SCAF4: variants seen among roughly 807,000 people sequenced by gnomAD.
SCAF4 encodes the protein SR-related and CTD-associated factor 4.
Under a neutral mutation model 129.8 loss-of-function variants are expected in SCAF4, and 25 were observed. The observed-to-expected ratio is 0.19, with a 90% CI of 0.14 to 0.27. The LOEUF (loss-of-function observed/expected upper bound fraction) is 0.27. Ranked by LOEUF, SCAF4 falls within the 10% of genes least tolerant of loss-of-function variation. The probability of loss-of-function intolerance (pLI) is 1.00; values close to 1 mark genes in which losing one functional copy is unlikely to be tolerated. For missense variants in SCAF4, 1,246 were observed against 1,457.1 expected (o/e 0.86, Z 2.36); for synonymous variants, 551 against 497.7 (o/e 1.11, Z -1.43).
rs192377387 is a variant in SCAF4, at chr21:31,716,079, G to A, written c.31-9722C>T. 4.5e-4 allele frequency among the ~76,000 whole-genome samples: 68 copies of A among 152,192 alleles called. 1 individual carries two copies. Among genetic ancestry groups the A allele is most frequent in the Admixed American group, 1.9e-3 (29 of 15,290 alleles). ...TCCTACTTTTTGAAATAAAGTTGCC[G>A]AGGCAATAAGAATTAGAAGACTATA... On this transcript the variant is annotated intron_variant, in intron 1 of 19. Transcript: ENST00000286835.
rs910617062 is a variant in SCAF4, at chr21:31,701,768, C to G, written c.600+8G>C. ...GCAAACAATTTCACTTTTGAGTAGA[C>G]AGTTTACCTGTTGGCCTTGAGTTGT... On this transcript the variant is annotated splice_region_variant and intron_variant, in intron 6 of 19. Transcript: ENST00000286835. The G allele has an allele frequency of 6.9e-6, 11 of 1,601,344 alleles. No homozygotes were observed. Among genetic ancestry groups the G allele is most frequent in the Middle Eastern group, 1.7e-4 (1 of 6,050 alleles).
intron 19 of SCAF4, among the ~76,000 whole-genome samples, chr21:31,682,296 T>C (rs2050014740): frequency 6.6e-6 from 1 of 151,930 alleles, no homozygotes; most frequent in Admixed American, 6.6e-5. Context: ...CGAGAATCGC[T>C]TGAACTTGGG....
chr21:31,700,863 TTG>T (rs1250952264), intron 7 of SCAF4, 130 bp downstream of exon 7: 1 of 1,035,356 alleles, frequency 9.7e-7, no homozygotes, highest in East Asian at 2.4e-5. Context: ...TGTTTTCTTG[TTG>T]AGGGGGAAAA....
At chr21:31,719,348 T>C (rs982637537) in intron 1 of SCAF4, among the ~76,000 whole-genome samples, 2 of 151,810 alleles carry the variant, frequency 1.3e-5, no homozygotes, top group African/African-American at 4.8e-5. Context: ...TACACAATGG[T>C]TTAAACTTCA....
In SCAF4 at chr21:31,712,809, C is replaced by T. The variant is rs150089837; in HGVS notation, c.31-6452G>A. 6.2e-4 allele frequency: 475 copies of T among 769,738 alleles called. 4 individuals are homozygous for T. The African/African-American group carries it at 8.0e-3, about 13-fold the overall frequency. The allele number at this position is 769,738 out of a possible 1,614,324, so 47.7% of individuals were successfully genotyped here. A position where few individuals can be genotyped will look rare whatever the true frequency, so the allele number is the denominator to read the frequency against. On this transcript the variant is annotated intron_variant, in intron 1 of 19. Transcript: ENST00000286835. ...CCTCCCAAAGTGCTGGGATTACAGG[C>T]GTGAGCCACTGTGCCTGGCCTGATT... is the stretch of plus-strand genomic sequence containing the variant.
At position 31,696,595 on chromosome 21, in the gene SCAF4, GGCAGCAGCGGGTGCAGCA is replaced by G. The variant is rs1325219609; in HGVS notation, c.915_932del (p.Ala306_Ala311del). 6.2e-7 allele frequency: 1 copy of G among 1,610,914 alleles called. No individual in the cohort carries two copies. The highest frequency in any genetic ancestry group is 8.5e-7 in the Non-Finnish European group (1 of 1,178,162). ...ATGGTGCCTGTGGAGGAGGAGGAGA[GGCAGCAGCGGGTGCAGCA>G]GCAGCAGGCACGGTGGCGGTGGGTG... is the stretch of plus-strand genomic sequence containing the variant. On this transcript the variant is annotated inframe_deletion, in exon 8 of 20. Transcript: ENST00000286835.
At chr21:31,693,262 T>G in intron 12 of SCAF4, 32 bp downstream of exon 12, 5 of 1,392,712 alleles carry the variant, frequency 3.6e-6, no homozygotes, top group Non-Finnish European at 4.8e-6. Context: ...GAAAAAATAG[T>G]ACATGAGGTT....
chr21:31,697,080 TG>T (rs1184586438), intron 7 of SCAF4, among the ~76,000 whole-genome samples: 2 of 152,208 alleles, frequency 1.3e-5, no homozygotes, highest in Admixed American at 6.5e-5. Flanking sequence ...TAAAAATGTC[TG>T]GAACTTTGTG....
intron 1 of SCAF4, among the ~76,000 whole-genome samples, chr21:31,730,073 AT>A (rs1411290136): frequency 2.0e-5 from 3 of 152,244 alleles, no homozygotes; most frequent in African/African-American, 7.2e-5. Flanking sequence ...TACTTGAAAT[AT>A]TTTAACTATT....
In SCAF4 at chr21:31,694,816, C is replaced by G. The variant is rs1428804141; in HGVS notation, c.1233G>C (p.Gln411His). The G allele has an allele frequency of 1.9e-6, 3 of 1,614,006 alleles. No homozygotes were observed. Among genetic ancestry groups the G allele is most frequent in the East Asian group, 4.5e-5 (2 of 44,872 alleles). ...QNEPLTQKPH[Q>H]QEMEVEQPCI... ...CTATCTGAGAATAAAGTTTTACCTG[C>G]TGATGCGGCTTCTGTGTAAGTGGTT... Residue 411 changes from glutamine to histidine, a missense_variant, in exon 10 of 20, where the codon CAG (glutamine) becomes CAC (histidine). By Grantham distance (24) the Gln-to-His change is conservative. Transcript: ENST00000286835.
chr21:31,688,357 G>A lies in SCAF4; in HGVS notation c.1993C>T (p.Pro665Ser), dbSNP rs751209577. 3 of 1,612,992 alleles carry A rather than the reference G, an allele frequency of 1.9e-6. No homozygotes were observed. The change falls in exon 16 of 20, where the codon CCT (proline) becomes TCT (serine). Residue 665 changes from proline (P) to serine (S), a missense_variant. Physicochemically the swap from Pro to Ser is moderately conservative, Grantham distance 74. This residue lies in a region of SCAF4 where 468 missense variants were observed against 605.5 expected (regional missense o/e 0.77). Coordinates refer to ENST00000286835, the MANE Select transcript of SCAF4 (RefSeq NM_020706.2). ...VSPIPKPLPV[P>S]VPPIPVPAPI... ...GCAGGAACAGGAATAGGAGGGACAG[G>A]CACAGGTAATGGTTTAGGTATGGGT...
At chr21:31,672,673 C>T (rs1049735220) in intron 19 of SCAF4, among the ~76,000 whole-genome samples, 15 of 152,226 alleles carry the variant, frequency 9.9e-5, no homozygotes, top group African/African-American at 2.9e-4. Context: ...ACTCCAAATA[C>T]ATTTGAGAAA....
At chr21:31,710,456 T>C (rs751661920) in intron 1 of SCAF4, among the ~76,000 whole-genome samples, 2 of 152,036 alleles carry the variant, frequency 1.3e-5, no homozygotes, top group African/African-American at 2.4e-5. Context: ...GGCTGAGGCA[T>C]GAGAATCTCT....
rs1476593424 is a variant in SCAF4, at chr21:31,671,414, T to C, written c.3429A>G (p.Ala1143=). The change falls in exon 20 of 20, where the codon GCA becomes GCG. Residue 1143 remains alanine, a synonymous_variant. Transcript: ENST00000286835. Reference sequence around the variant, plus strand: ...ATTCCAGTCTCTAACGAGGAGCCTCTGCTGCTGAGCCAGAATCCTTTTCGG... The same window carrying C: ...ATTCCAGTCTCTAACGAGGAGCCTCCGCTGCTGAGCCAGAATCCTTTTCGG... ...VEPEKDSGSA[A]EAPR 1 of 1,613,524 alleles carries C rather than the reference T, an allele frequency of 6.2e-7. No individual in the cohort carries two copies. The highest frequency in any genetic ancestry group is 8.5e-7 in the Non-Finnish European group (1 of 1,179,732).
At position 31,711,461 on chromosome 21, in the gene SCAF4, T is replaced by C. The variant is rs118144628; in HGVS notation, c.31-5104A>G. 7.6e-3 allele frequency among the ~76,000 whole-genome samples: 1,150 copies of C among 152,314 alleles called. 6 individuals carry two copies. The highest frequency in any genetic ancestry group is 0.014 in the Admixed American group (207 of 15,304). ...TATACTTTCCTGGTAAGCATGTACA[T>C]TGACACTGTCCATTTGGACAGAAAT... On this transcript the variant is annotated intron_variant, in intron 1 of 19. Transcript: ENST00000286835.
At chr21:31,689,893 C>T (rs563396627) in intron 15 of SCAF4, among the ~76,000 whole-genome samples, 5 of 151,710 alleles carry the variant, frequency 3.3e-5, no homozygotes, top group South Asian at 2.1e-4. Context: ...CAAGATCATG[C>T]CACTGCACTC....
At chr21:31,730,889 C>G (rs1314381702) in intron 1 of SCAF4, among the ~76,000 whole-genome samples, 1 of 152,220 alleles carries the variant, frequency 6.6e-6, no homozygotes. Flanking sequence ...CGAGGATTAA[C>G]TACCTCGGGA....
chr21:31,718,140 T>G (rs2034512172), intron 1 of SCAF4, among the ~76,000 whole-genome samples: 2 of 152,116 alleles, frequency 1.3e-5, no homozygotes, highest in Admixed American at 1.3e-4. Flanking sequence ...GAGATGGGGT[T>G]TCTCCATGTT....
chr21:31,701,499 C>T (rs1366708015), intron 6 of SCAF4, among the ~76,000 whole-genome samples: 1 of 152,090 alleles, frequency 6.6e-6, no homozygotes, highest in Non-Finnish European at 1.5e-5. Flanking sequence ...ATTTTGAAAT[C>T]CATCAGAAAT....
Sources: gnomAD v4.1 joint callset for allele counts (sites outside exome capture counted in the v4.1 genomes callset) on GRCh38, gnomAD v4.1.1 for gene constraint, gnomAD v4.1.1 regional missense constraint, MANE v1.5 for transcripts, NCBI Gene and HGNC (gene_info 2026-07-23, HGNC 2026-07-21) for gene names.